EGFLAM: variants seen among roughly 807,000 people sequenced by gnomAD.
EGFLAM encodes the protein EGF like, fibronectin type III and laminin G domains.
EGFLAM carries 79 observed loss-of-function variants against 113.1 expected under a neutral mutation model. The observed-to-expected ratio is 0.70, with a 90% CI of 0.58 to 0.84. EGFLAM has a LOEUF of 0.84. Ranked by LOEUF, EGFLAM falls within the 40% of genes least tolerant of loss-of-function variation. The pLI, the probability that EGFLAM is intolerant of heterozygous loss-of-function variation, is 0.00. For synonymous variants in EGFLAM, 504 were observed against 487.6 expected (o/e 1.03, Z -0.44); for missense variants, 1,265 against 1,291.6 (o/e 0.98, Z 0.32).
intron 1 of EGFLAM, among the ~76,000 whole-genome samples, chr5:38,322,126 C>T (rs1738759247): frequency 6.6e-6 from 1 of 152,174 alleles, no homozygotes; most frequent in Admixed American, 6.5e-5. Flanking sequence ...TGTTCATATG[C>T]ACACGCATGG....
chr5:38,437,686 C>T (rs750656649), intron 16 of EGFLAM, among the ~76,000 whole-genome samples: 3 of 152,128 alleles, frequency 2.0e-5, no homozygotes, highest in Non-Finnish European at 2.9e-5. Context: ...GGTTGAAATC[C>T]GAACTTTGTA....
chr5:38,292,388 G>A (rs546980289), intron 1 of EGFLAM, among the ~76,000 whole-genome samples: 8 of 152,312 alleles, frequency 5.3e-5, no homozygotes, highest in Admixed American at 1.3e-4. Flanking sequence ...TGTCACTGCT[G>A]CTTAAATGAA....
At chr5:38,368,343 C>G (rs1280330623) in intron 5 of EGFLAM, among the ~76,000 whole-genome samples, 1 of 152,138 alleles carries the variant, frequency 6.6e-6, no homozygotes, top group African/African-American at 2.4e-5. Flanking sequence ...GAAAGAGAAA[C>G]CAGCCCTGCT....
chr5:38,433,966 T>C (rs1742266549), intron 15 of EGFLAM, among the ~76,000 whole-genome samples: 1 of 152,198 alleles, frequency 6.6e-6, no homozygotes, highest in South Asian at 2.1e-4. Context: ...CTCCCTAAGA[T>C]AAACAGAGCT....
intron 1 of EGFLAM, among the ~76,000 whole-genome samples, chr5:38,301,588 G>GA (rs900200924): frequency 1.3e-5 from 2 of 151,990 alleles, no homozygotes; most frequent in African/African-American, 4.8e-5. Context: ...TTTGAGATGG[G>GA]AAAAACAATA....
intron 1 of EGFLAM, among the ~76,000 whole-genome samples, chr5:38,273,993 T>A (rs1757826083): frequency 6.6e-6 from 1 of 151,936 alleles, no homozygotes; most frequent in African/African-American, 2.4e-5. Context: ...AAGAAAAGAA[T>A]AAGTGACCAG....
chr5:38,456,365 C>G (rs1743087388), intron 19 of EGFLAM, among the ~76,000 whole-genome samples: 2 of 152,188 alleles, frequency 1.3e-5, no homozygotes, highest in Non-Finnish European at 2.9e-5. Flanking sequence ...CCCACGCTGC[C>G]TCTCAGAACG....
intron 6 of EGFLAM, 96 bp from the exon 7 acceptor site, chr5:38,406,030 C>T: frequency 1.1e-6 from 1 of 930,660 alleles, no homozygotes; most frequent in Non-Finnish European, 1.8e-6. Flanking sequence ...ACACTGCGTT[C>T]CATTCGGTAC....
chr5:38,303,997 G>A (rs1265407295), intron 1 of EGFLAM, among the ~76,000 whole-genome samples: 4 of 151,828 alleles, frequency 2.6e-5, no homozygotes, highest in African/African-American at 9.7e-5. Flanking sequence ...AATTAGCCAG[G>A]TGTGGCCTGT....
At chr5:38,445,493 G>T in intron 17 of EGFLAM, 2 of 1,481,634 alleles carry the variant, frequency 1.3e-6, no homozygotes, top group South Asian at 1.3e-5. Flanking sequence ...GCTGAGGAGA[G>T]ATTTCCAGTG....
At chr5:38,400,360 C>T (rs577298512) in intron 6 of EGFLAM, among the ~76,000 whole-genome samples, 2 of 152,228 alleles carry the variant, frequency 1.3e-5, no homozygotes, top group African/African-American at 2.4e-5. Flanking sequence ...TTAATAACCC[C>T]TGAACTAGTG....
At chr5:38,393,075 A>G (rs1740859215) in intron 6 of EGFLAM, among the ~76,000 whole-genome samples, 1 of 152,110 alleles carries the variant, frequency 6.6e-6, no homozygotes, top group African/African-American at 2.4e-5. Flanking sequence ...TTGCTTTTCA[A>G]TAGAAATTTT....
In EGFLAM at chr5:38,448,852, C is replaced by T. The variant is rs181963821; in HGVS notation, c.2543+473C>T. ...AAGCCCATTCCCTGCTGAGTCCATA[C>T]CTACCCTGCGTCTTCATCAGCAAAG... On this transcript the variant is annotated intron_variant, in intron 18 of 21. Coordinates refer to ENST00000322350, the MANE Select transcript of EGFLAM (RefSeq NM_152403.4). 4.4e-3 allele frequency among the ~76,000 whole-genome samples: 665 copies of T among 152,318 alleles called. 3 individuals carry two copies. Among genetic ancestry groups the T allele is most frequent in the Non-Finnish European group, 7.0e-3 (479 of 68,026 alleles).
At chr5:38,393,033 T>A (rs1740858123) in intron 6 of EGFLAM, among the ~76,000 whole-genome samples, 1 of 152,174 alleles carries the variant, frequency 6.6e-6, no homozygotes, top group African/African-American at 2.4e-5. Context: ...CCACCGCACC[T>A]GGCCCACAAT....
chr5:38,377,883 TC>T (rs1284203681), intron 6 of EGFLAM, among the ~76,000 whole-genome samples: 1 of 152,178 alleles, frequency 6.6e-6, no homozygotes, highest in Non-Finnish European at 1.5e-5. Context: ...TAACTCTCTT[TC>T]AAACCAAGCC....
intron 6 of EGFLAM, among the ~76,000 whole-genome samples, chr5:38,379,024 C>A (rs375735728): frequency 1.3e-5 from 2 of 152,132 alleles, no homozygotes; most frequent in African/African-American, 4.8e-5. Context: ...TCATTAGACT[C>A]CAGGCTCTGA....
intron 11 of EGFLAM, among the ~76,000 whole-genome samples, chr5:38,417,095 A>T (rs4482925): frequency 0.15 from 23,200 of 152,084 alleles, 1,876 homozygotes; most frequent in East Asian, 0.25. Context: ...AGCTCATGCC[A>T]GTAATCCCAG....
chr5:38,380,992 C>T (rs558890064), intron 6 of EGFLAM, among the ~76,000 whole-genome samples: 8 of 152,278 alleles, frequency 5.3e-5, no homozygotes, highest in African/African-American at 1.7e-4. Flanking sequence ...CTCAGTCGGT[C>T]GGCTGATATT....
At chr5:38,337,453 C>T (rs1739217283) in intron 1 of EGFLAM, 67 bp from the exon 2 acceptor site, 1 of 1,394,422 alleles carries the variant, frequency 7.2e-7, no homozygotes, top group African/African-American at 1.4e-5. Context: ...ACTCTTAAAT[C>T]TTGTGTAAGT....
Sources: allele counts gnomAD v4.1 joint callset (sites outside exome capture counted in the v4.1 genomes callset), GRCh38; gene constraint gnomAD v4.1.1; transcripts MANE v1.5; gene names NCBI Gene and HGNC (gene_info 2026-07-23, HGNC 2026-07-21).